PTPRD: variants seen among roughly 807,000 people sequenced by gnomAD.
PTPRD encodes the protein receptor-type tyrosine-protein phosphatase delta.
Under a neutral mutation model 214.5 loss-of-function variants are expected in PTPRD, and 34 were observed. The ratio of observed to expected loss-of-function variants is 0.16; its 90% CI spans 0.12 to 0.21. The LOEUF (loss-of-function observed/expected upper bound fraction) is 0.21, where lower values mean the gene tolerates loss of function less well. Ranked by LOEUF, PTPRD falls within the 10% of genes least tolerant of loss-of-function variation. PTPRD has a pLI of 1.00. For synonymous variants in PTPRD, 1,128 were observed against 845.7 expected (o/e 1.33, Z -5.79); for missense variants, 2,545 against 2,398.7 (o/e 1.06, Z -1.27).
chr9:10,008,512 TA>T (rs1166644777), intron 4 of PTPRD, among the ~76,000 whole-genome samples: 1 of 152,056 alleles, frequency 6.6e-6, no homozygotes, highest in Non-Finnish European at 1.5e-5. Context: ...GGGATATATG[TA>T]ACATGCATGT....
chr9:9,766,154 C>G (rs1210413082), intron 6 of PTPRD, among the ~76,000 whole-genome samples: 1 of 152,150 alleles, frequency 6.6e-6, no homozygotes, highest in African/African-American at 2.4e-5. Flanking sequence ...GTTTATTCAT[C>G]TTATACATTT....
intron 43 of PTPRD, among the ~76,000 whole-genome samples, chr9:8,336,640 A>C (rs1587998110): frequency 1.3e-5 from 2 of 150,338 alleles, no homozygotes; most frequent in East Asian, 3.9e-4. Flanking sequence ...AAAAAAAAAA[A>C]AAAAAACTAC....
chr9:8,637,369 A>C (rs1244879305), intron 12 of PTPRD, among the ~76,000 whole-genome samples: 1 of 152,200 alleles, frequency 6.6e-6, no homozygotes, highest in African/African-American at 2.4e-5. Flanking sequence ...GAAATAGGGG[A>C]AAATGGTAAA....
intron 33 of PTPRD, among the ~76,000 whole-genome samples, chr9:8,456,176 T>C (rs1434110855): frequency 2.6e-5 from 4 of 152,136 alleles, no homozygotes; most frequent in Non-Finnish European, 5.9e-5. Flanking sequence ...AACACAATAA[T>C]GAATAAGACA....
At chr9:10,316,094 G>A (rs2096414721) in intron 3 of PTPRD, among the ~76,000 whole-genome samples, 1 of 146,032 alleles carries the variant, frequency 6.8e-6, no homozygotes, top group South Asian at 2.2e-4. Flanking sequence ...TGATGCTAAG[G>A]TAATTTATGT....
intron 8 of PTPRD, among the ~76,000 whole-genome samples, chr9:9,525,973 C>T (rs1267083569): frequency 6.6e-6 from 1 of 152,106 alleles, no homozygotes; most frequent in Non-Finnish European, 1.5e-5. Context: ...CATTGTTTCT[C>T]TTCACCCTGT....
At chr9:9,057,458 A>T (rs536543478) in intron 10 of PTPRD, among the ~76,000 whole-genome samples, 1 of 152,336 alleles carries the variant, frequency 6.6e-6, no homozygotes, top group Admixed American at 6.5e-5. Context: ...TTTTACTTTG[A>T]AAACTATATG....
At chr9:9,732,453 A>G (rs1596275239) in intron 7 of PTPRD, among the ~76,000 whole-genome samples, 1 of 152,298 alleles carries the variant, frequency 6.6e-6, no homozygotes, top group East Asian at 1.9e-4. Context: ...AGACCACCCA[A>G]AAGATCATTT....
chr9:9,158,782 A>G (rs1327494956), intron 10 of PTPRD, among the ~76,000 whole-genome samples: 1 of 152,194 alleles, frequency 6.6e-6, no homozygotes, highest in East Asian at 1.9e-4. Flanking sequence ...CTAATATTGC[A>G]GATGAATATA....
chr9:9,579,058 T>C (rs1463107076), intron 7 of PTPRD, among the ~76,000 whole-genome samples: 1 of 152,184 alleles, frequency 6.6e-6, no homozygotes, highest in African/African-American at 2.4e-5. Flanking sequence ...TCAGAGCCTA[T>C]GCTCTTAGTC....
intron 11 of PTPRD, among the ~76,000 whole-genome samples, chr9:8,948,533 A>ATATATATATATT (rs2099083943): frequency 5.4e-5 from 2 of 37,042 alleles, no homozygotes; most frequent in South Asian, 1.4e-3. Flanking sequence ...ATATATATTT[A>ATATATATATATT]TATATATATT....
chr9:9,526,411 A>C (rs1334355004), intron 8 of PTPRD, among the ~76,000 whole-genome samples: 2 of 152,176 alleles, frequency 1.3e-5, no homozygotes, highest in Non-Finnish European at 2.9e-5. Flanking sequence ...TGCTTTCCAA[A>C]GGGGTTGCAC....
chr9:10,580,219 C>T (rs2071223129), intron 2 of PTPRD, among the ~76,000 whole-genome samples: 1 of 152,136 alleles, frequency 6.6e-6, no homozygotes, highest in African/African-American at 2.4e-5. Context: ...AACAACCTTT[C>T]GAAGCAATAA....
intron 7 of PTPRD, among the ~76,000 whole-genome samples, chr9:9,671,228 C>T (rs186946049): frequency 6.6e-6 from 1 of 152,262 alleles, no homozygotes; most frequent in East Asian, 1.9e-4. Context: ...AATTTGACTG[C>T]TCTGCTGGAT....
intron 9 of PTPRD, among the ~76,000 whole-genome samples, chr9:9,207,694 C>T (rs997980752): frequency 2.6e-5 from 4 of 152,120 alleles, no homozygotes; most frequent in Admixed American, 6.5e-5. Context: ...CCTAGAAATG[C>T]TAATTCCAGT....
At chr9:10,131,197 C>A (rs2098876588) in intron 3 of PTPRD, among the ~76,000 whole-genome samples, 1 of 152,082 alleles carries the variant, frequency 6.6e-6, no homozygotes, top group Admixed American at 6.6e-5. Context: ...TAATTTTGGC[C>A]ACCTGATGTT....
intron 3 of PTPRD, among the ~76,000 whole-genome samples, chr9:10,307,757 T>A (rs1596638081): frequency 6.6e-6 from 1 of 152,150 alleles, no homozygotes; most frequent in East Asian, 1.9e-4. Flanking sequence ...ATAATAGCCA[T>A]TCTAACTGGG....
chr9:8,639,723 C>G (rs902026803), intron 12 of PTPRD, among the ~76,000 whole-genome samples: 2 of 152,142 alleles, frequency 1.3e-5, no homozygotes, highest in Non-Finnish European at 2.9e-5. Context: ...CTTCATCTGT[C>G]CTGTTGCCAT....
At chr9:8,977,964 C>G (rs2099277875) in intron 11 of PTPRD, among the ~76,000 whole-genome samples, 1 of 151,944 alleles carries the variant, frequency 6.6e-6, no homozygotes, top group Admixed American at 6.6e-5. Context: ...ATACTGTTGT[C>G]TTTTACATGC....
Sources: allele counts gnomAD v4.1 joint callset (sites outside exome capture counted in the v4.1 genomes callset), GRCh38; gene constraint gnomAD v4.1.1; transcripts MANE v1.5; gene names NCBI Gene and HGNC (gene_info 2026-07-23, HGNC 2026-07-21).